Variants in ELSPBP1 observed in about 807,000 individuals in gnomAD.
ELSPBP1 encodes epididymal sperm-binding protein 1.
A neutral mutation model predicts 33.3 loss-of-function variants in ELSPBP1; 38 were observed. The observed-to-expected ratio is 1.14, with a 90% CI of 0.88 to 1.50. The LOEUF is 1.50. ELSPBP1 is among the 40% of genes most tolerant of loss of function. ELSPBP1 has a pLI of 0.00. For missense variants in ELSPBP1, 267 were observed against 263.5 expected (o/e 1.01, Z -0.09); for synonymous variants, 85 against 94.1 (o/e 0.90, Z 0.56).
chr19:48,017,896 CAAAAAAA>C (rs60130865), intron 4 of ELSPBP1, among the ~76,000 whole-genome samples: 1 of 66,124 alleles, frequency 1.5e-5, no homozygotes, highest in African/African-American at 6.0e-5. Context: ...GATCTTGTCT[CAAAAAAA>C]AAAAAAAAAA....
chr19:48,007,478 A>G (rs1165781640), intron 1 of ELSPBP1, among the ~76,000 whole-genome samples: 12 of 152,196 alleles, frequency 7.9e-5, no homozygotes, highest in Admixed American at 3.9e-4. Flanking sequence ...TAAGCAGTCA[A>G]TAATTGGGAG....
intron 4 of ELSPBP1, among the ~76,000 whole-genome samples, chr19:48,016,421 T>C (rs567796650): frequency 6.6e-6 from 1 of 150,560 alleles, no homozygotes; most frequent in East Asian, 2.0e-4. Flanking sequence ...TTTCCTTTCC[T>C]CCCTCCCTTC....
intron 3 of ELSPBP1, among the ~76,000 whole-genome samples, chr19:48,015,397 T>C (rs1361480173): frequency 6.6e-6 from 1 of 152,178 alleles, no homozygotes; most frequent in Non-Finnish European, 1.5e-5. Flanking sequence ...GGCTCATGCC[T>C]GTAATCCCAG....
chr19:48,010,108 G>A (rs1967062080), intron 2 of ELSPBP1, among the ~76,000 whole-genome samples: 1 of 152,146 alleles, frequency 6.6e-6, no homozygotes, highest in Non-Finnish European at 1.5e-5. Flanking sequence ...GAGATGCAGT[G>A]TAGCAGTGCA....
chr19:48,004,774 C>T (rs900800425), intron 1 of ELSPBP1, among the ~76,000 whole-genome samples: 13 of 152,234 alleles, frequency 8.5e-5, no homozygotes, highest in African/African-American at 2.4e-4. Flanking sequence ...TTGGTTGACT[C>T]TCAGCCCCAC....
intron 4 of ELSPBP1, among the ~76,000 whole-genome samples, chr19:48,016,512 CTT>C (rs1445458404): frequency 2.2e-5 from 2 of 89,284 alleles, no homozygotes; most frequent in East Asian, 2.4e-4. Context: ...TTCTTTCTTT[CTT>C]TCTTTCTTTC....
intron 4 of ELSPBP1, among the ~76,000 whole-genome samples, chr19:48,017,725 T>C (rs1195315420): frequency 6.6e-6 from 1 of 151,878 alleles, no homozygotes; most frequent in Non-Finnish European, 1.5e-5. Context: ...AGACCCGCTC[T>C]GTAAAAACAA....
At chr19:47,999,900 G>A (rs1251416573) in intron 1 of ELSPBP1, among the ~76,000 whole-genome samples, 1 of 151,050 alleles carries the variant, frequency 6.6e-6, no homozygotes, top group African/African-American at 2.4e-5. Context: ...ATAGCTCACT[G>A]CAGCCTCAAT....
intron 1 of ELSPBP1, among the ~76,000 whole-genome samples, chr19:47,997,169 G>A (rs1261146430): frequency 1.3e-5 from 2 of 152,190 alleles, no homozygotes; most frequent in Admixed American, 6.5e-5. Context: ...CCCCGGCACA[G>A]CGCTTTGCTC....
intron 6 of ELSPBP1, among the ~76,000 whole-genome samples, chr19:48,024,264 G>T (rs1279674214): frequency 6.6e-6 from 1 of 151,880 alleles, no homozygotes; most frequent in Non-Finnish European, 1.5e-5. Flanking sequence ...TGGTGCAGAG[G>T]GTATTTCTAA....
intron 2 of ELSPBP1, among the ~76,000 whole-genome samples, chr19:48,009,170 G>A (rs1967053219): frequency 6.6e-6 from 1 of 151,720 alleles, no homozygotes; most frequent in African/African-American, 2.4e-5. Flanking sequence ...GAAGACCTGG[G>A]GTTTGGACCC....
rs375435091 is a variant in ELSPBP1, at chr19:48,023,490, G to GGAGGGAAGGGAGGGAA, written c.*7+1157_*7+1158insAGGGAAGGGAGGGAAG. Among the ~76,000 whole-genome samples the GGAGGGAAGGGAGGGAA allele has an allele frequency of 2.8e-4, 25 of 90,038 alleles. 1 individual carries two copies. Among genetic ancestry groups the GGAGGGAAGGGAGGGAA allele is most frequent in the African/African-American group, 9.0e-4 (23 of 25,614 alleles). The allele number at this position is 90,038 out of a possible 152,430, so 59.1% of individuals were successfully genotyped here. On this transcript the variant is annotated intron_variant, in intron 6 of 6. Coordinates refer to ENST00000339841, the MANE Select transcript of ELSPBP1 (RefSeq NM_022142.5). Reference sequence around the variant, plus strand: ...ATGGAGGAAGGGAGGAGGGAAGGGAGGGAGGGAAGGAAAAGAGGAAGGAAA... The same window carrying GGAGGGAAGGGAGGGAA: ...ATGGAGGAAGGGAGGAGGGAAGGGAGGAGGGAAGGGAGGGAAGGAGGGAAGGAAAAGAGGAAGGAAA...
At chr19:47,995,590 G>A (rs1966905082) in intron 1 of ELSPBP1, among the ~76,000 whole-genome samples, 1 of 152,156 alleles carries the variant, frequency 6.6e-6, no homozygotes, top group Admixed American at 6.5e-5. Context: ...GTGTGTGTGT[G>A]CGCCTAGAGG....
intron 1 of ELSPBP1, among the ~76,000 whole-genome samples, chr19:48,007,214 C>T (rs1967030235): frequency 6.6e-6 from 1 of 152,146 alleles, no homozygotes; most frequent in African/African-American, 2.4e-5. Flanking sequence ...CGACTAAATA[C>T]ATTCTGCAGA....
intron 4 of ELSPBP1, among the ~76,000 whole-genome samples, chr19:48,016,463 TCC>T (rs1372021073): frequency 0.058 from 1,106 of 19,058 alleles, 17 homozygotes; most frequent in Middle Eastern, 0.11. Flanking sequence ...TTCTTTTCTT[TCC>T]TTCTTTCTTT....
chr19:48,002,636 CAAAA>C (rs905364189), intron 1 of ELSPBP1, among the ~76,000 whole-genome samples: 1 of 152,040 alleles, frequency 6.6e-6, no homozygotes, highest in African/African-American at 2.4e-5. Context: ...ACTAAAAAGA[CAAAA>C]AAATAGCTGA....
intron 1 of ELSPBP1, among the ~76,000 whole-genome samples, chr19:48,006,878 C>T (rs183258204): frequency 3.3e-5 from 5 of 151,972 alleles, no homozygotes; most frequent in South Asian, 2.1e-4. Flanking sequence ...CAAGGAAGAA[C>T]GACAAGAAAA....
rs1376811597 is a variant in ELSPBP1 at position 48,021,325 on chromosome 19, T to C, written c.515-845T>C. Among the ~76,000 whole-genome samples the C allele has an allele frequency of 3.3e-5, 5 of 152,110 alleles. No individual in the cohort carries two copies. The East Asian group carries it at 9.6e-4, about 29-fold the overall frequency. Reference sequence around the variant, plus strand: ...CTTGTACTGTGAACAAAATTCTTCTTTGGCTTAGGTTTAGGTCGGCATTCT... The same window carrying C: ...CTTGTACTGTGAACAAAATTCTTCTCTGGCTTAGGTTTAGGTCGGCATTCT... On this transcript the variant is annotated intron_variant, in intron 5 of 6. Coordinates refer to ENST00000339841, the MANE Select transcript of ELSPBP1 (RefSeq NM_022142.5).
rs1035924807 is a variant in ELSPBP1, at chr19:48,011,501, AATG to A, written c.71-2662_71-2660del. On this transcript the variant is annotated intron_variant, in intron 2 of 6. Coordinates refer to ENST00000339841, the MANE Select transcript of ELSPBP1 (RefSeq NM_022142.5). The surrounding 1 kb of genome is among the most constrained non-coding windows in gnomAD (Gnocchi z 4.5). ...GTTGATGATAATGACAATGACTGAT[AATG>A]ATGATGACAATGATGATGACAATGA... Among the ~76,000 whole-genome samples, 17 of 151,714 alleles carry A rather than the reference AATG, an allele frequency of 1.1e-4. No homozygotes were observed. In the South Asian group the frequency reaches 1.7e-3, roughly 15 times the overall value.
Sources: allele counts gnomAD v4.1 joint callset (sites outside exome capture counted in the v4.1 genomes callset), GRCh38; gene constraint gnomAD v4.1.1; non-coding constraint Gnocchi (gnomAD v3.1); transcripts MANE v1.5; gene names NCBI Gene and HGNC (gene_info 2026-07-23, HGNC 2026-07-21).